The following ESR1 variants were observed in gnomAD, a reference collection of about 807,000 sequenced individuals.
ESR1 encodes estrogen receptor 1.
ESR1 carries 12 observed loss-of-function variants against 52.7 expected under a neutral mutation model. That is an observed-to-expected ratio of 0.23 (90% CI 0.15 to 0.37). The LOEUF is 0.37. Among genes scored for constraint, ESR1 ranks in the 10% least tolerant of loss-of-function variants. The pLI, the probability that ESR1 is intolerant of heterozygous loss-of-function variation, is 1.00. For missense variants in ESR1, 584 were observed against 779.7 expected, an observed-to-expected ratio of 0.75 and a Z score of 2.99; for synonymous variants, 305 against 316.8, an observed-to-expected ratio of 0.96 and a Z score of 0.39.
rs533699091 is a variant in ESR1, at chr6:151,865,002, G to A, written c.644-15653G>A. On this transcript the variant is annotated intron_variant, in intron 2 of 7. Transcript: ENST00000206249. ...TAACTAATGTAAATGATGAGTTAAT[G>A]GGTGCAGCACACCAACATGGCACAT... 3.6e-3 allele frequency among the ~76,000 whole-genome samples: 549 copies of A among 151,756 alleles called. 2 individuals carry two copies. Among genetic ancestry groups the A allele is most frequent in the African/African-American group, 0.011 (456 of 41,458 alleles).
chr6:151,855,500 C>T (rs1787669289), intron 2 of ESR1, among the ~76,000 whole-genome samples: 1 of 152,062 alleles, frequency 6.6e-6, no homozygotes, highest in Non-Finnish European at 1.5e-5. Flanking sequence ...ACATTCTCTT[C>T]CCTAGAGAGG....
chr6:151,891,060 T>G (rs931774408), intron 3 of ESR1, among the ~76,000 whole-genome samples: 1 of 152,236 alleles, frequency 6.6e-6, no homozygotes, highest in Non-Finnish European at 1.5e-5. Context: ...AGGATTTTGC[T>G]TTGTGATTAC....
At chr6:151,873,966 G>A (rs1031731996) in intron 2 of ESR1, among the ~76,000 whole-genome samples, 3 of 152,124 alleles carry the variant, frequency 2.0e-5, no homozygotes, top group Admixed American at 1.3e-4. Flanking sequence ...TGGGTCAATC[G>A]GGTATAAAAA....
At chr6:152,040,233 G>A (rs2045673266) in intron 5 of ESR1, among the ~76,000 whole-genome samples, 1 of 152,174 alleles carries the variant, frequency 6.6e-6, no homozygotes, top group Non-Finnish European at 1.5e-5. Flanking sequence ...GGAAGTCCAT[G>A]TTGCTGAGCC....
rs556604891 is a variant in ESR1 at position 151,693,643 on chromosome 6, A to G, written c.-202+2979A>G. 1.3e-4 allele frequency among the ~76,000 whole-genome samples: 20 copies of G among 152,080 alleles called. No homozygotes were observed. The South Asian group carries it at 3.7e-3, about 28-fold the overall frequency. ...CTATGCTGATTTTTTTTTGAGATGG[A>G]GTCTCGCTCTTTCACCGAGGCTGGA... On this transcript the variant is annotated intron_variant, in intron 1 of 2. Coordinates refer to the ESR1 transcript ENST00000404742.
At chr6:151,894,120 G>GT (rs1395835465) in intron 3 of ESR1, among the ~76,000 whole-genome samples, 1 of 152,132 alleles carries the variant, frequency 6.6e-6, no homozygotes. Flanking sequence ...TTGCATTGTG[G>GT]TTTTGAGTTG....
chr6:151,671,704 A>G (rs373245886), intron 1 of ESR1, among the ~76,000 whole-genome samples: 1 of 152,100 alleles, frequency 6.6e-6, no homozygotes, highest in African/African-American at 2.4e-5. Flanking sequence ...TAAAATTTTT[A>G]TTTTAGGCCA....
At position 152,058,539 on chromosome 6, in the gene ESR1, A is replaced by G. The variant is rs149328642; in HGVS notation, c.1236-2452A>G. On this transcript the variant is annotated intron_variant, in intron 5 of 7. Transcript: ENST00000206249. ...CCACACTCCATTCTAAGCACTTTAC[A>G]TAAAAAACCTCATTTCACTTTATTT... Among the ~76,000 whole-genome samples the G allele has an allele frequency of 1.1e-4, 16 of 152,376 alleles. No homozygotes were observed. In the East Asian group the frequency reaches 3.1e-3, roughly 29 times the overall value.
At chr6:151,997,710 CA>C (rs1489350455) in intron 4 of ESR1, among the ~76,000 whole-genome samples, 3 of 152,078 alleles carry the variant, frequency 2.0e-5, no homozygotes, top group Non-Finnish European at 4.4e-5. Flanking sequence ...GTGTTTTTAA[CA>C]GGGAAAAAGT....
chr6:151,753,859 T>C (rs1392621403), intron 2 of ESR1, among the ~76,000 whole-genome samples: 1 of 152,222 alleles, frequency 6.6e-6, no homozygotes, highest in African/African-American at 2.4e-5. Flanking sequence ...ATATTTGTAC[T>C]TGCCCACTTT....
chr6:152,098,018 C>T lies in ESR1; in HGVS notation c.1554-714C>T, dbSNP rs890102938. Among the ~76,000 whole-genome samples the T allele has an allele frequency of 5.3e-5, 8 of 152,164 alleles. No homozygotes were observed. Among genetic ancestry groups the T allele is most frequent in the East Asian group, 1.9e-4 (1 of 5,190 alleles). On this transcript the variant is annotated intron_variant, in intron 7 of 7. Transcript: ENST00000206249. This position sits in a 1 kb window ranked among gnomAD's most constrained non-coding sequence, Gnocchi z 5.1. Reference sequence around the variant, plus strand: ...GCCACTGGGTAGCGGTAGGCCTTTCCGAGGAGGCGGCATTTGAAGACCGGA... The same window carrying T: ...GCCACTGGGTAGCGGTAGGCCTTTCTGAGGAGGCGGCATTTGAAGACCGGA...
intron 3 of ESR1, among the ~76,000 whole-genome samples, chr6:151,899,616 C>T (rs562233358): frequency 4.7e-4 from 71 of 151,564 alleles, no homozygotes; most frequent in African/African-American, 1.4e-3. Flanking sequence ...GGCTGCCGGG[C>T]GGAGACGCTC....
chr6:151,775,055 C>T (rs535554783), intron 2 of ESR1, among the ~76,000 whole-genome samples: 3 of 152,052 alleles, frequency 2.0e-5, no homozygotes, highest in African/African-American at 4.8e-5. Context: ...GATCAAACTT[C>T]GAAATTTATA....
intron 1 of ESR1, among the ~76,000 whole-genome samples, chr6:151,820,411 A>C (rs1780372525): frequency 6.6e-6 from 1 of 152,292 alleles, no homozygotes; most frequent in African/African-American, 2.4e-5. Flanking sequence ...CTTGCCGAAA[A>C]CCTTAATGAT....
At chr6:152,048,789 T>C (rs1414541145) in intron 5 of ESR1, among the ~76,000 whole-genome samples, 1 of 152,224 alleles carries the variant, frequency 6.6e-6, no homozygotes, top group African/African-American at 2.4e-5. Context: ...AAGTATTAAT[T>C]GTATTTTTTA....
intron 4 of ESR1, among the ~76,000 whole-genome samples, chr6:151,980,129 G>A (rs531611416): frequency 3.3e-5 from 5 of 152,272 alleles, no homozygotes; most frequent in African/African-American, 7.2e-5. Context: ...AAAGTTAGCC[G>A]TTTTGTTGGT....
chr6:151,671,414 G>C (rs1778055363), intron 1 of ESR1, among the ~76,000 whole-genome samples: 1 of 152,212 alleles, frequency 6.6e-6, no homozygotes, highest in Admixed American at 6.5e-5. Flanking sequence ...ATCGTGCTAA[G>C]TGAAAGGAGC....
Position 152,100,003 on chromosome 6 carries a change from G to A in ESR1, c.*1037G>A, listed in dbSNP as rs2050906823. On this transcript the variant is annotated 3_prime_UTR_variant, in exon 8 of 8. Coordinates refer to ENST00000206249, the MANE Select transcript of ESR1 (RefSeq NM_000125.4). ...ATGGAGCTGAACAGTACTTGTGCAG[G>A]ATTGTTGTGGCTACTAGAGAACAAG... 2.5e-6 allele frequency: 1 copy of A among 398,648 alleles called. No individual in the cohort carries two copies. Among genetic ancestry groups the A allele is most frequent in the Admixed American group, 4.4e-5 (1 of 22,720 alleles). 24.7% of individuals were successfully genotyped at this position (398,648 alleles called of 1,614,324 possible).
intron 3 of ESR1, among the ~76,000 whole-genome samples, chr6:151,889,591 T>C (rs1408719335): frequency 6.6e-6 from 1 of 152,214 alleles, no homozygotes. Context: ...TTTGTTTATC[T>C]TTTTAAAAAC....
Sources: allele counts gnomAD v4.1 joint callset (sites outside exome capture counted in the v4.1 genomes callset), GRCh38; gene constraint gnomAD v4.1.1; non-coding constraint Gnocchi (gnomAD v3.1); transcripts MANE v1.5; gene names NCBI Gene and HGNC (gene_info 2026-07-23, HGNC 2026-07-21).